The following LINGO2 variants were observed in gnomAD, a reference collection of about 807,000 sequenced individuals.
LINGO2 encodes the protein leucine rich repeat and Ig domain containing 2.
LINGO2 carries 14 observed loss-of-function variants against 30.6 expected under a neutral mutation model. The ratio of observed to expected loss-of-function variants is 0.46; its 90% confidence interval spans 0.30 to 0.72. The LOEUF (loss-of-function observed/expected upper bound fraction) is 0.72, where lower values mean the gene tolerates loss of function less well. Among genes scored for constraint, LINGO2 ranks in the 30% least tolerant of loss-of-function variants. LINGO2 has a pLI of 0.07. For synonymous variants in LINGO2, 317 were observed against 288.5 expected (o/e 1.10, Z -1.00); for missense variants, 729 against 751.7 (o/e 0.97, Z 0.35).
At chr9:27,995,504 T>G (rs1821616438) in intron 5 of LINGO2, among the ~76,000 whole-genome samples, 1 of 152,044 alleles carries the variant, frequency 6.6e-6, no homozygotes, top group Non-Finnish European at 1.5e-5. Flanking sequence ...CAAACCAAAT[T>G]GAACAACACA....
At chr9:28,750,525 A>C in the LINGO2 span, among the ~76,000 whole-genome samples, 993 of 152,198 alleles carry the variant, frequency 6.5e-3, 18 homozygotes, top group African/African-American at 0.023. Flanking sequence ...TCAGTCTGCA[A>C]ATCTTCAGAA....
chr9:28,640,224 C>G (rs1259819010), intron 1 of LINGO2, among the ~76,000 whole-genome samples: 1 of 151,954 alleles, frequency 6.6e-6, no homozygotes, highest in Non-Finnish European at 1.5e-5. Flanking sequence ...TTGTGGGTAA[C>G]CCGACCTTTC....
the LINGO2 span, among the ~76,000 whole-genome samples, chr9:29,057,024 C>A: frequency 1.3e-5 from 2 of 151,980 alleles, no homozygotes; most frequent in Non-Finnish European, 2.9e-5. Context: ...TGTGATGCCT[C>A]CAGATCTGTT....
intron 4 of LINGO2, among the ~76,000 whole-genome samples, chr9:28,076,742 T>C (rs1825634684): frequency 6.6e-6 from 1 of 152,138 alleles, no homozygotes; most frequent in African/African-American, 2.4e-5. Context: ...AAATTTTTGA[T>C]TGTCAGCTAT....
At chr9:28,327,911 AAAGGAAGG>A (rs768022023) in intron 3 of LINGO2, among the ~76,000 whole-genome samples, 1 of 152,132 alleles carries the variant, frequency 6.6e-6, no homozygotes, top group South Asian at 2.1e-4. Context: ...AGAAAGGAAG[AAAGGAAGG>A]AAGGAAGGAA....
At chr9:28,041,183 C>G (rs1005878178) in intron 4 of LINGO2, among the ~76,000 whole-genome samples, 1 of 152,184 alleles carries the variant, frequency 6.6e-6, no homozygotes, top group African/African-American at 2.4e-5. Context: ...AGCATCTATT[C>G]TGTCTATTGC....
chr9:27,972,328 A>T (rs1338328711), intron 5 of LINGO2, among the ~76,000 whole-genome samples: 1 of 151,736 alleles, frequency 6.6e-6, no homozygotes, highest in East Asian at 1.9e-4. Context: ...TAATTAGATA[A>T]AATTGTCTGA....
intron 3 of LINGO2, among the ~76,000 whole-genome samples, chr9:28,320,987 A>T (rs1442548708): frequency 6.6e-6 from 1 of 152,184 alleles, no homozygotes. Context: ...GCAGCTGCCA[A>T]TCCATGGCAT....
At chr9:28,606,311 A>C (rs936914096) in intron 1 of LINGO2, among the ~76,000 whole-genome samples, 21 of 152,054 alleles carry the variant, frequency 1.4e-4, no homozygotes, top group Non-Finnish European at 5.9e-5. Context: ...CACTGTGAAA[A>C]TAAAGAAATA....
At chr9:28,210,964 G>A (rs1307669448) in intron 4 of LINGO2, among the ~76,000 whole-genome samples, 2 of 151,310 alleles carry the variant, frequency 1.3e-5, no homozygotes, top group African/African-American at 2.4e-5. Flanking sequence ...TCTAAATGAT[G>A]GTTCTATTCA....
intron 3 of LINGO2, among the ~76,000 whole-genome samples, chr9:28,357,315 G>GT (rs796282898): frequency 3.0e-5 from 2 of 66,060 alleles, no homozygotes; most frequent in African/African-American, 9.6e-5. Context: ...CAGAAATAAA[G>GT]CCCACCCCCC....
At chr9:28,869,780 C>A in the LINGO2 span, among the ~76,000 whole-genome samples, 1 of 151,982 alleles carries the variant, frequency 6.6e-6, no homozygotes, top group Non-Finnish European at 1.5e-5. Context: ...TCTCCTTCAA[C>A]ACTGCAACTC....
the LINGO2 span, among the ~76,000 whole-genome samples, chr9:28,676,491 C>T: frequency 1.3e-5 from 2 of 152,126 alleles, no homozygotes; most frequent in Non-Finnish European, 2.9e-5. Flanking sequence ...TTTTACTACA[C>T]TAAATTCTAA....
intron 1 of LINGO2, among the ~76,000 whole-genome samples, chr9:28,596,475 A>G (rs1457856708): frequency 6.6e-6 from 1 of 152,174 alleles, no homozygotes; most frequent in Non-Finnish European, 1.5e-5. Context: ...TAGTGATATC[A>G]TAAGAAAAAT....
chr9:28,340,653 T>G (rs1174194563), intron 3 of LINGO2, among the ~76,000 whole-genome samples: 1 of 152,104 alleles, frequency 6.6e-6, no homozygotes, highest in Non-Finnish European at 1.5e-5. Context: ...AAAACTCAAA[T>G]AGTGGATGTA....
the LINGO2 span, among the ~76,000 whole-genome samples, chr9:29,130,834 G>C: frequency 2.0e-5 from 3 of 151,922 alleles, no homozygotes; most frequent in Non-Finnish European, 4.4e-5. Flanking sequence ...CAGTGGTGCT[G>C]GTCATGCCTT....
the LINGO2 span, among the ~76,000 whole-genome samples, chr9:28,765,306 T>C: frequency 5.3e-5 from 8 of 152,024 alleles, no homozygotes; most frequent in East Asian, 5.8e-4. Flanking sequence ...AACAGACAGA[T>C]AGTCCAATAG....
the LINGO2 span, among the ~76,000 whole-genome samples, chr9:29,010,115 G>A: frequency 6.6e-6 from 1 of 152,096 alleles, no homozygotes; most frequent in Non-Finnish European, 1.5e-5. Context: ...CAGGACACAG[G>A]CATAGGCAAG....
At chr9:28,270,699 G>A (rs754516082) in intron 4 of LINGO2, among the ~76,000 whole-genome samples, 4 of 152,048 alleles carry the variant, frequency 2.6e-5, no homozygotes, top group African/African-American at 7.2e-5. Context: ...TTCCTGAATC[G>A]AATTTGTGCT....
Sources: gnomAD v4.1 joint callset for allele counts (sites outside exome capture counted in the v4.1 genomes callset) on GRCh38, gnomAD v4.1.1 for gene constraint, MANE v1.5 for transcripts, NCBI Gene and HGNC (gene_info 2026-07-23, HGNC 2026-07-21) for gene names.